Variants in USP45 observed in about 807,000 individuals in gnomAD.
USP45 encodes ubiquitin carboxyl-terminal hydrolase 45.
USP45 carries 89 observed loss-of-function variants against 95.8 expected under a neutral mutation model. The observed-to-expected ratio is 0.93, with a 90% CI of 0.78 to 1.11. USP45 has a LOEUF of 1.11. USP45 is among the 50% of genes least tolerant of loss of function. The pLI is 0.00. For missense variants in USP45, 898 were observed against 942.5 expected (o/e 0.95, Z 0.62); for synonymous variants, 281 against 316.2 (o/e 0.89, Z 1.18).
chr6:99,512,385 C>T (rs1800082846), intron 1 of USP45, among the ~76,000 whole-genome samples: 1 of 152,184 alleles, frequency 6.6e-6, no homozygotes, highest in African/African-American at 2.4e-5. Flanking sequence ...TAATGTCTCA[C>T]ACTGAATTTG....
upstream of USP45, among the ~76,000 whole-genome samples, chr6:99,516,226 C>T (rs369185006): frequency 1.3e-5 from 2 of 152,198 alleles, no homozygotes; most frequent in Non-Finnish European, 2.9e-5. Context: ...ACACCTATAC[C>T]TCCTCAAAGC....
intron 9 of USP45, among the ~76,000 whole-genome samples, chr6:99,475,888 G>C (rs1790707491): frequency 6.6e-6 from 1 of 152,084 alleles, no homozygotes; most frequent in Admixed American, 6.5e-5. Flanking sequence ...GCAGTAGCGG[G>C]ATCTCCGCTC....
intron 8 of USP45, among the ~76,000 whole-genome samples, chr6:99,478,041 T>A (rs1224727433): frequency 6.6e-6 from 1 of 152,156 alleles, no homozygotes; most frequent in East Asian, 1.9e-4. Flanking sequence ...ACTAGCCAAG[T>A]GGTAGGTAGG....
intron 13 of USP45, among the ~76,000 whole-genome samples, chr6:99,451,409 A>G (rs1420658214): frequency 6.6e-6 from 1 of 152,246 alleles, no homozygotes; most frequent in Admixed American, 6.5e-5. Context: ...GAGCCAAATC[A>G]TGAGTGAACT....
chr6:99,468,218 A>G (rs1214866000), intron 10 of USP45: 1 of 468,874 alleles, frequency 2.1e-6, no homozygotes, highest in Non-Finnish European at 4.2e-6. Flanking sequence ...GTCAAATGAT[A>G]CAATATGATA....
Position 99,508,612 on chromosome 6 carries a change from G to A in USP45, c.271C>T (p.Gln91Ter). The change falls in exon 3 of 18, where the codon CAG becomes TAG. Residue 91 changes from glutamine to a stop codon, truncating the protein, a stop_gained and splice_region_variant. Transcript: ENST00000500704. LOFTEE classifies it high-confidence loss of function. ...DIWLCLKCGF[Q>*]GCGKNSESQH... ...CATATAAATAATACTTTTCTTACCT[G>A]GAAGCCACACTTGAGGCACAACCAA... 6.2e-7 allele frequency: 1 copy of A among 1,609,928 alleles called. No individual in the cohort carries two copies. The highest frequency in any genetic ancestry group is 8.5e-7 in the Non-Finnish European group (1 of 1,178,850).
chr6:99,503,911 A>G (rs2128788809), intron 4 of USP45, 46 bp from the exon 5 acceptor site: 2 of 1,346,074 alleles, frequency 1.5e-6, no homozygotes, highest in African/African-American at 1.5e-5. Context: ...AATATTCTCA[A>G]TAATTTTGCA....
chr6:99,476,887 C>G (rs1791010729), intron 8 of USP45, among the ~76,000 whole-genome samples: 1 of 152,090 alleles, frequency 6.6e-6, no homozygotes, highest in Non-Finnish European at 1.5e-5. Context: ...ATTAAATTTC[C>G]TCTGTATTAA....
At chr6:99,490,838 G>A (rs1304448835) in intron 5 of USP45, among the ~76,000 whole-genome samples, 1 of 152,140 alleles carries the variant, frequency 6.6e-6, no homozygotes, top group African/African-American at 2.4e-5. Flanking sequence ...AGGAAGTGCT[G>A]GGATTACAGG....
intron 14 of USP45, among the ~76,000 whole-genome samples, chr6:99,443,881 G>A (rs1781977795): frequency 6.6e-6 from 1 of 152,056 alleles, no homozygotes; most frequent in Admixed American, 6.6e-5. Context: ...CAAAGAATAG[G>A]AGAGGTAACA....
At chr6:99,477,626 T>C (rs897950561) in intron 8 of USP45, among the ~76,000 whole-genome samples, 2 of 152,212 alleles carry the variant, frequency 1.3e-5, no homozygotes, top group African/African-American at 4.8e-5. Flanking sequence ...TGCAGTACTT[T>C]CAGCATTATT....
intron 7 of USP45, among the ~76,000 whole-genome samples, chr6:99,487,040 A>G (rs1335497357): frequency 6.6e-6 from 1 of 152,162 alleles, no homozygotes; most frequent in Non-Finnish European, 1.5e-5. Context: ...GAACCTACCC[A>G]GGATTTAGGC....
chr6:99,476,710 T>C (rs185169206), intron 8 of USP45, among the ~76,000 whole-genome samples: 442 of 152,366 alleles, frequency 2.9e-3, no homozygotes, highest in Non-Finnish European at 4.6e-3. Context: ...ATTGTTTAAA[T>C]CATTTGCAAG....
chr6:99,438,679 G>C (rs1780971279), intron 16 of USP45, among the ~76,000 whole-genome samples: 1 of 152,132 alleles, frequency 6.6e-6, no homozygotes, highest in Non-Finnish European at 1.5e-5. Context: ...TGATATTGTG[G>C]TTATGTTAAA....
chr6:99,473,157 TATAAGA>T lies in USP45; in HGVS notation c.933+2980_933+2985del, dbSNP rs1214311916. ...CACAAAGAAACTAGCTAGTATAACATATAAGAATAATTATTTTGATTTCTTCCCAAT... is the reference window on the plus strand; with the variant it reads ...CACAAAGAAACTAGCTAGTATAACATATAATTATTTTGATTTCTTCCCAAT... On this transcript the variant is annotated intron_variant, in intron 9 of 17. Transcript: ENST00000500704. 1.6e-4 allele frequency among the ~76,000 whole-genome samples: 24 copies of T among 152,108 alleles called. No individual in the cohort carries two copies. In the East Asian group the frequency reaches 3.5e-3, roughly 22 times the overall value.
chr6:99,443,426 G>A (rs1388359310), intron 15 of USP45, 139 bp downstream of exon 15: 150 of 519,728 alleles, frequency 2.9e-4, no homozygotes, highest in Non-Finnish European at 6.7e-6. Context: ...ATTATGGCTA[G>A]ATGAGCAGTA....
rs116892567 is a variant in USP45 at position 99,509,881 on chromosome 6, T to C, written c.100+240A>G. ...GTTGGTTCTAGGACCTCCCCACATA[T>C]ACCCAAATCTGTGCATACTCAAGTC... On this transcript the variant is annotated intron_variant, in intron 2 of 17. Transcript: ENST00000500704. 0.011 allele frequency among the ~76,000 whole-genome samples: 1,613 copies of C among 152,308 alleles called. 19 individuals carry two copies. Among genetic ancestry groups the C allele is most frequent in the Non-Finnish European group, 0.018 (1,210 of 68,022 alleles).
At chr6:99,502,054 A>G (rs1198450036) in intron 5 of USP45, 1 of 1,274,102 alleles carries the variant, frequency 7.8e-7, no homozygotes, top group Middle Eastern at 2.4e-4. Flanking sequence ...GGGGGCCTAG[A>G]GACTGAGTTA....
At chr6:99,469,816 G>A (rs939976201) in intron 9 of USP45, among the ~76,000 whole-genome samples, 1 of 151,376 alleles carries the variant, frequency 6.6e-6, no homozygotes, top group African/African-American at 2.4e-5. Flanking sequence ...GTAGAGACAG[G>A]CTCTTCCTAT....
Sources: allele counts gnomAD v4.1 joint callset (sites outside exome capture counted in the v4.1 genomes callset), GRCh38; gene constraint gnomAD v4.1.1; transcripts MANE v1.5; gene names NCBI Gene and HGNC (gene_info 2026-07-23, HGNC 2026-07-21).